The following CLEC7A variants were observed in gnomAD, a reference collection of about 807,000 sequenced individuals.
CLEC7A encodes the protein C-type lectin domain family 7 member A.
A neutral mutation model predicts 26.9 loss-of-function variants in CLEC7A; 25 were observed. The ratio of observed to expected loss-of-function variants is 0.93; its 90% confidence interval spans 0.68 to 1.30. CLEC7A has a LOEUF of 1.30. Among genes scored for constraint, CLEC7A ranks in the 50% most tolerant of loss-of-function variants. The pLI, the probability that CLEC7A is intolerant of heterozygous loss-of-function variation, is 0.00. For missense variants in CLEC7A, 275 were observed against 286.7 expected (o/e 0.96, Z 0.29); for synonymous variants, 100 against 99.5 (o/e 1.01, Z -0.03).
intron 4 of CLEC7A, among the ~76,000 whole-genome samples, chr12:10,124,013 C>T (rs1022910354): frequency 2.0e-5 from 3 of 151,376 alleles, no homozygotes; most frequent in African/African-American, 4.8e-5. Context: ...TCTTCTCCTC[C>T]AATTGAAGAA....
chr12:10,129,872 C>T, intron 1 of CLEC7A, 108 bp downstream of exon 1: 1 of 601,246 alleles, frequency 1.7e-6, no homozygotes, highest in Non-Finnish European at 3.0e-6. Flanking sequence ...CCCGCCTCGG[C>T]CTCCCAAAGT....
At position 10,123,208 on chromosome 12, in the gene CLEC7A, A is replaced by C. The variant is rs116323098; in HGVS notation, c.611+37T>G. 1.0e-3 allele frequency: 1,363 copies of C among 1,352,878 alleles called. 14 individuals carry two copies. In the African/African-American group the frequency reaches 0.017, roughly 17 times the overall value. The allele number at this position is 1,352,878 out of a possible 1,614,324, so 83.8% of individuals were successfully genotyped here. ...CATAGATGAGATGGAAACCTCTCTG[A>C]GAAAAAGGATGAAGCATTGTCTCTC... On this transcript the variant is annotated intron_variant, in intron 5 of 5. Transcript: ENST00000304084.
rs1948137082 is a variant in CLEC7A, at chr12:10,122,800, T to C, written c.611+445A>G. On this transcript the variant is annotated intron_variant, in intron 5 of 5. Coordinates refer to ENST00000304084, the MANE Select transcript of CLEC7A (RefSeq NM_197947.3). ...GCCACCACACCTGGCCAAGAGCACC[T>C]TTCTATTCTTGTTTATGGAAAATGG... 2.0e-5 allele frequency among the ~76,000 whole-genome samples: 3 copies of C among 152,102 alleles called. No individual in the cohort carries two copies. In the South Asian group the frequency reaches 6.2e-4, roughly 32 times the overall value.
In CLEC7A at chr12:10,117,530, C is replaced by CAAAAAAAAA. The variant is rs138543476; in HGVS notation, c.*919_*927dup. 1 of 57,020 alleles carries CAAAAAAAAA rather than the reference C, an allele frequency of 1.8e-5. No homozygotes were observed. Among genetic ancestry groups the CAAAAAAAAA allele is most frequent in the Non-Finnish European group, 3.7e-5 (1 of 27,142 alleles). 3.5% of individuals were successfully genotyped at this position (57,020 alleles called of 1,614,324 possible). A position where few individuals can be genotyped will look rare whatever the true frequency, so the allele number is the denominator to read the frequency against. ...GGGCAACAAGAGCGAAACTCTGTCTCAAAAAAAAAAAAAAAAAAAAAGATT... is the reference window on the plus strand; with the variant it reads ...GGGCAACAAGAGCGAAACTCTGTCTCAAAAAAAAAAAAAAAAAAAAAAAAAAAAAAGATT... On this transcript the variant is annotated 3_prime_UTR_variant, in exon 6 of 6. Transcript: ENST00000304084.
intron 5 of CLEC7A, among the ~76,000 whole-genome samples, chr12:10,121,634 G>A (rs1320113978): frequency 1.3e-5 from 2 of 152,054 alleles, no homozygotes; most frequent in Non-Finnish European, 2.9e-5. Flanking sequence ...AGCTCACAGT[G>A]GAAATCAGAA....
intron 1 of CLEC7A, among the ~76,000 whole-genome samples, chr12:10,129,667 G>T (rs1948422999): frequency 6.6e-6 from 1 of 151,822 alleles, no homozygotes; most frequent in Admixed American, 6.6e-5. Context: ...ACCCAGGCTG[G>T]AGTGCATTGG....
chr12:10,119,659 A>G (rs1948015600), intron 5 of CLEC7A, among the ~76,000 whole-genome samples: 1 of 152,224 alleles, frequency 6.6e-6, no homozygotes, highest in South Asian at 2.1e-4. Flanking sequence ...CAGTTAAGTG[A>G]TTATGCTCAG....
chr12:10,126,704 A>G lies in CLEC7A; in HGVS notation c.207T>C (p.Ile69=), dbSNP rs183290480. The G allele has an allele frequency of 1.2e-6, 2 of 1,609,960 alleles. No homozygotes were observed. The highest frequency in any genetic ancestry group is 2.7e-5 in the African/African-American group (2 of 74,808). ...VIAVVLGTMA[I]WRSNSGSNTL... ...TGTTGCTTCCTGAATTGGATCTCCA[A>G]ATAGCTTCACATACCAACAATAATA... is the stretch of plus-strand genomic sequence containing the variant. Residue 69 remains isoleucine, a synonymous_variant, in exon 3 of 6, where the codon ATT becomes ATC. Transcript: ENST00000304084.
At chr12:10,126,467 C>T in intron 3 of CLEC7A, 104 bp downstream of exon 3, 2 of 1,457,492 alleles carry the variant, frequency 1.4e-6, no homozygotes, top group Non-Finnish European at 1.8e-6. Flanking sequence ...CTTAAATTTA[C>T]AATCATTGAA....
At chr12:10,129,938 CG>C in intron 1 of CLEC7A, 41 bp downstream of exon 1, 1 of 1,172,396 alleles carries the variant, frequency 8.5e-7, no homozygotes, top group Non-Finnish European at 1.3e-6. Context: ...TCTTTTCAAA[CG>C]GGAGAGCTAA....
Position 10,117,623 on chromosome 12 carries a change from CT to C in CLEC7A, c.*834del, listed in dbSNP as rs1409305378. 2 of 151,234 alleles carry C rather than the reference CT, an allele frequency of 1.3e-5. No individual in the cohort carries two copies. The highest frequency in any genetic ancestry group is 2.9e-5 in the Non-Finnish European group (2 of 67,892). The allele number at this position is 151,234 out of a possible 1,614,324, so 9.4% of individuals were successfully genotyped here. On this transcript the variant is annotated 3_prime_UTR_variant, in exon 6 of 6. Transcript: ENST00000304084. ...GATAAAGAAAAAGTAGGAGTTCCTG[CT>C]TTTTACTAAGATGATAATCATAATT...
At chr12:10,122,140 T>C (rs73262339) in intron 5 of CLEC7A, among the ~76,000 whole-genome samples, 2,098 of 152,260 alleles carry the variant, frequency 0.014, 47 homozygotes, top group African/African-American at 0.048. Flanking sequence ...AAAAACCAAA[T>C]TGAACGGTAC....
chr12:10,119,231 G>A (rs116884560), intron 5 of CLEC7A, among the ~76,000 whole-genome samples: 4 of 152,294 alleles, frequency 2.6e-5, no homozygotes, highest in East Asian at 3.9e-4. Flanking sequence ...ATCACTGACC[G>A]TCAGTGCAAA....
rs780757857 is a variant in CLEC7A at position 10,126,677 on chromosome 12, T to C, written c.234A>G (p.Thr78=). 3 of 1,612,580 alleles carry C rather than the reference T, an allele frequency of 1.9e-6. No individual in the cohort carries two copies. Among genetic ancestry groups the C allele is most frequent in the Non-Finnish European group, 2.5e-6 (3 of 1,179,432 alleles). ...AIWRSNSGSN[T]LENGYFLSRN... is the part of the protein sequence containing the mutation. The stretch of plus-strand genomic sequence containing the variant: ...TTGATAGAAAGTAGCCATTCTCCAA[T>C]GTGTTGCTTCCTGAATTGGATCTCC... Residue 78 remains threonine, a synonymous_variant, in exon 3 of 6, where the codon ACA becomes ACG. Transcript: ENST00000304084.
chr12:10,121,651 T>C (rs557187561), intron 5 of CLEC7A, among the ~76,000 whole-genome samples: 1 of 152,308 alleles, frequency 6.6e-6, no homozygotes, highest in South Asian at 2.1e-4. Context: ...AGAAAGTATT[T>C]TGAACTGAAA....
chr12:10,118,309 C>A lies in CLEC7A; in HGVS notation c.*149G>T, dbSNP rs542808222. The A allele has an allele frequency of 4.4e-6, 3 of 681,680 alleles. No homozygotes were observed. In the South Asian group the frequency reaches 6.2e-5, roughly 14 times the overall value. The allele number at this position is 681,680 out of a possible 1,614,324, so 42.2% of individuals were successfully genotyped here. The stretch of plus-strand genomic sequence containing the variant: ...GACAAATACAGAAATCACAGCCTCT[C>A]CCTTCAATTTCTTGGTTAAGATTAC... On this transcript the variant is annotated 3_prime_UTR_variant, in exon 6 of 6. Transcript: ENST00000304084.
intron 1 of CLEC7A, among the ~76,000 whole-genome samples, chr12:10,129,004 G>C (rs191967964): frequency 1.3e-5 from 2 of 152,294 alleles, no homozygotes; most frequent in Non-Finnish European, 2.9e-5. Context: ...TGACTAAGCT[G>C]TCAGGACATT....
At position 10,123,243 on chromosome 12, in the gene CLEC7A, A is replaced by T; in HGVS notation, c.611+2T>A. On this transcript the variant is annotated splice_donor_variant, in intron 5 of 5. Coordinates refer to ENST00000304084, the MANE Select transcript of CLEC7A (RefSeq NM_197947.3). LOFTEE classifies it high-confidence loss of function. Reference sequence around the variant, plus strand: ...TGAAGCATTGTCTCTCCAAACACTTACAAGTTAGAAGAGAATGTTGATCCA... The same window carrying T: ...TGAAGCATTGTCTCTCCAAACACTTTCAAGTTAGAAGAGAATGTTGATCCA... The T allele has an allele frequency of 6.4e-7, 1 of 1,569,320 alleles. No individual in the cohort carries two copies. Among genetic ancestry groups the T allele is most frequent in the African/African-American group, 1.3e-5 (1 of 74,150 alleles).
rs71860807 is a variant in CLEC7A, at chr12:10,128,207, A to AACACACACACAC, written c.104-374_104-363dup. 1.8e-3 allele frequency among the ~76,000 whole-genome samples: 243 copies of AACACACACACAC among 132,846 alleles called. 1 individual carries two copies. Among genetic ancestry groups the AACACACACACAC allele is most frequent in the African/African-American group, 6.7e-3 (223 of 33,316 alleles). 87.2% of individuals were successfully genotyped at this position (132,846 alleles called of 152,430 possible). On this transcript the variant is annotated intron_variant, in intron 1 of 5. Coordinates refer to ENST00000304084, the MANE Select transcript of CLEC7A (RefSeq NM_197947.3). ...AGGCAAAAAAGTGATACCCTGTTAA[A>AACACACACACAC]ACACACACACACACACACACACACA... is the stretch of plus-strand genomic sequence containing the variant.
Sources: gnomAD v4.1 joint callset for allele counts (sites outside exome capture counted in the v4.1 genomes callset) on GRCh38, gnomAD v4.1.1 for gene constraint, MANE v1.5 for transcripts, NCBI Gene and HGNC (gene_info 2026-07-23, HGNC 2026-07-21) for gene names.